The following CHST11 variants were observed in gnomAD, a reference collection of about 807,000 sequenced individuals.
CHST11 encodes C4S-1.
A neutral mutation model predicts 30.4 loss-of-function variants in CHST11; 9 were observed. The ratio of observed to expected loss-of-function variants is 0.30; its 90% CI spans 0.18 to 0.52. CHST11 has a LOEUF of 0.52. Among genes scored for constraint, CHST11 ranks in the 20% least tolerant of loss-of-function variants. CHST11 has a pLI of 0.97. For synonymous variants in CHST11, 152 were observed against 187.8 expected, an observed-to-expected ratio of 0.81 and a Z score of 1.56; for missense variants, 348 against 460.6, an observed-to-expected ratio of 0.76 and a Z score of 2.24.
rs754959234 is a variant in CHST11 at position 104,757,608 on chromosome 12, C to T, written c.864C>T (p.Tyr288=). 22 of 1,614,026 alleles carry T rather than the reference C, an allele frequency of 1.4e-5. No individual in the cohort carries two copies. The highest frequency in any genetic ancestry group is 6.7e-5 in the East Asian group (3 of 44,890). The change falls in exon 3 of 3, where the codon TAC becomes TAT. Residue 288 remains tyrosine, a synonymous_variant. Coordinates refer to ENST00000303694, the MANE Select transcript of CHST11 (RefSeq NM_018413.6). The surrounding 1 kb of genome is among the most constrained non-coding windows in gnomAD (Gnocchi z 6.5). ...KYETLEEDSN[Y]VLQLAGVGSY... is the part of the protein sequence containing the mutation. ...AGACACTGGAAGAGGATTCTAATTA[C>T]GTCCTGCAGCTGGCAGGAGTGGGCA...
At chr12:104,692,795 A>C (rs2039908650) in intron 2 of CHST11, among the ~76,000 whole-genome samples, 1 of 152,016 alleles carries the variant, frequency 6.6e-6, no homozygotes, top group Non-Finnish European at 1.5e-5. Context: ...CATGCTCCTT[A>C]TGAGAATCTA....
At chr12:104,572,217 T>C (rs1427342467) in intron 1 of CHST11, among the ~76,000 whole-genome samples, 2 of 152,100 alleles carry the variant, frequency 1.3e-5, no homozygotes, top group African/African-American at 4.8e-5. Flanking sequence ...ATCAGGATGA[T>C]GCTGGCCTCA....
intron 2 of CHST11, among the ~76,000 whole-genome samples, chr12:104,618,764 G>A (rs10861257): frequency 7.2e-5 from 11 of 151,880 alleles, no homozygotes; most frequent in Non-Finnish European, 1.3e-4. Flanking sequence ...ATAGAGAGGC[G>A]TTTTGTTGTT....
intron 2 of CHST11, among the ~76,000 whole-genome samples, chr12:104,608,396 C>T (rs1277290382): frequency 6.6e-6 from 1 of 152,134 alleles, no homozygotes; most frequent in Non-Finnish European, 1.5e-5. Context: ...AGACCCTCGG[C>T]TGATAGAAAA....
At chr12:104,544,138 A>AGAAAG (rs1555231334) in intron 1 of CHST11, among the ~76,000 whole-genome samples, 2 of 71,724 alleles carry the variant, frequency 2.8e-5, no homozygotes, top group African/African-American at 9.8e-5. Context: ...AAAAAAAAAA[A>AGAAAG]AAAGAAAGAA....
chr12:104,511,395 C>G (rs1052938810), intron 1 of CHST11, among the ~76,000 whole-genome samples: 1 of 152,196 alleles, frequency 6.6e-6, no homozygotes, highest in African/African-American at 2.4e-5. Context: ...GCTTTCTGCT[C>G]ATAGAAGGCT....
chr12:104,607,091 TA>T (rs1193013542), intron 2 of CHST11, among the ~76,000 whole-genome samples: 1 of 151,902 alleles, frequency 6.6e-6, no homozygotes, highest in African/African-American at 2.4e-5. Context: ...AATAAATATA[TA>T]AATAAAAATT....
chr12:104,706,994 A>T (rs2040041734), intron 2 of CHST11, among the ~76,000 whole-genome samples: 1 of 152,216 alleles, frequency 6.6e-6, no homozygotes, highest in African/African-American at 2.4e-5. Flanking sequence ...AATACGGGAC[A>T]GTCGTCCTCC....
rs2039869033 is a variant in CHST11, at chr12:104,688,508, C to T, written c.205-68441C>T. ...GGGCTAGATTGACGTATTGGGAAGTCTTCTGAATAAATTGCTTCTTCCTCT... is the reference window on the plus strand; with the variant it reads ...GGGCTAGATTGACGTATTGGGAAGTTTTCTGAATAAATTGCTTCTTCCTCT... On this transcript the variant is annotated intron_variant, in intron 2 of 2. Transcript: ENST00000303694. 5.3e-5 allele frequency among the ~76,000 whole-genome samples: 8 copies of T among 152,176 alleles called. No individual in the cohort carries two copies. In the South Asian group the frequency reaches 1.7e-3, roughly 32 times the overall value.
intron 2 of CHST11, among the ~76,000 whole-genome samples, chr12:104,678,976 G>A (rs182885159): frequency 3.9e-5 from 6 of 152,170 alleles, no homozygotes; most frequent in East Asian, 1.9e-4. Context: ...ACACAGTCTC[G>A]CCGCTATTTT....
At chr12:104,477,162 A>G (rs1421826831) in intron 1 of CHST11, among the ~76,000 whole-genome samples, 1 of 152,192 alleles carries the variant, frequency 6.6e-6, no homozygotes, top group African/African-American at 2.4e-5. Context: ...TTCAAATTCA[A>G]TGAAAAGATA....
At chr12:104,546,760 CCAAAACAAAG>C (rs2038354972) in intron 1 of CHST11, among the ~76,000 whole-genome samples, 2 of 152,058 alleles carry the variant, frequency 1.3e-5, no homozygotes, top group Admixed American at 1.3e-4. Context: ...CTGGACAAAA[CCAAAACAAAG>C]CAAAACAAGT....
chr12:104,547,696 T>G (rs570212314), intron 1 of CHST11, among the ~76,000 whole-genome samples: 19 of 152,368 alleles, frequency 1.2e-4, no homozygotes, highest in Admixed American at 3.3e-4. Context: ...TGGGTTTATA[T>G]TCTGGCTACT....
intron 2 of CHST11, among the ~76,000 whole-genome samples, chr12:104,754,748 G>T (rs1403839732): frequency 1.3e-5 from 2 of 152,180 alleles, no homozygotes; most frequent in Admixed American, 6.5e-5. Context: ...CCAGTTATTT[G>T]TGAGGCTAAA....
chr12:104,622,006 A>G (rs950946541), intron 2 of CHST11, among the ~76,000 whole-genome samples: 15 of 152,186 alleles, frequency 9.9e-5, no homozygotes, highest in African/African-American at 3.6e-4. Flanking sequence ...TTTGAGGATC[A>G]AGTGAGGTAC....
chr12:104,735,965 G>T (rs1377137236), intron 2 of CHST11, among the ~76,000 whole-genome samples: 3 of 152,166 alleles, frequency 2.0e-5, no homozygotes, highest in Admixed American at 2.0e-4. Context: ...TTGTACCAGG[G>T]TTGCCAGGAT....
At chr12:104,715,720 G>A (rs545570961) in intron 2 of CHST11, among the ~76,000 whole-genome samples, 13 of 152,184 alleles carry the variant, frequency 8.5e-5, no homozygotes, top group African/African-American at 2.6e-4. Flanking sequence ...AGCCCCTCCC[G>A]GCTTAGGCTC....
intron 2 of CHST11, among the ~76,000 whole-genome samples, chr12:104,755,911 ACC>A (rs60022159): frequency 1.3e-5 from 2 of 151,572 alleles, no homozygotes; most frequent in African/African-American, 2.4e-5. Flanking sequence ...GTTTCTCGGG[ACC>A]CCCCCCTCCG....
At chr12:104,589,635 A>G (rs1181707701) in intron 1 of CHST11, among the ~76,000 whole-genome samples, 1 of 152,182 alleles carries the variant, frequency 6.6e-6, no homozygotes, top group Non-Finnish European at 1.5e-5. Context: ...CAAAAAAGCA[A>G]AACTGCAGTT....
Sources: gnomAD v4.1 joint callset for allele counts (sites outside exome capture counted in the v4.1 genomes callset) on GRCh38, gnomAD v4.1.1 for gene constraint, Gnocchi (gnomAD v3.1) non-coding constraint, MANE v1.5 for transcripts, NCBI Gene and HGNC (gene_info 2026-07-23, HGNC 2026-07-21) for gene names.